The following C1orf87 variants were observed in gnomAD, a reference collection of about 807,000 sequenced individuals.
C1orf87 encodes chromosome 1 open reading frame 87.
Under a neutral mutation model 60.5 loss-of-function variants are expected in C1orf87, and 58 were observed. The ratio of observed to expected loss-of-function variants is 0.96; its 90% CI spans 0.78 to 1.19. The LOEUF is 1.19. Ranked by LOEUF, C1orf87 falls within the 50% of genes most tolerant of loss-of-function variation. The pLI is 0.00. For synonymous variants in C1orf87, 236 were observed against 227.4 expected (o/e 1.04, Z -0.34); for missense variants, 673 against 638.6 (o/e 1.05, Z -0.58).
At chr1:60,031,693 C>G (rs1268694951) in intron 7 of C1orf87, among the ~76,000 whole-genome samples, 1 of 151,940 alleles carries the variant, frequency 6.6e-6, no homozygotes, top group Non-Finnish European at 1.5e-5. Flanking sequence ...TATTTGGGAC[C>G]CAGATTTGCC....
At chr1:60,037,063 T>A (rs747420847) in intron 6 of C1orf87, among the ~76,000 whole-genome samples, 2 of 152,190 alleles carry the variant, frequency 1.3e-5, no homozygotes, top group Non-Finnish European at 2.9e-5. Flanking sequence ...CAAATAACTT[T>A]CTATGTTGGC....
intron 10 of C1orf87, 44 bp downstream of exon 10, chr1:60,001,033 C>A: frequency 1.3e-6 from 2 of 1,502,760 alleles, no homozygotes; most frequent in South Asian, 1.1e-5. Context: ...GGCCAAGTAT[C>A]CATGAAAACC....
intron 2 of C1orf87, among the ~76,000 whole-genome samples, chr1:60,061,234 A>G (rs113410902): frequency 1.2e-3 from 182 of 152,332 alleles, no homozygotes; most frequent in Middle Eastern, 6.8e-3. Context: ...TAAATTTGTT[A>G]TCTCAAAATC....
intron 2 of C1orf87, among the ~76,000 whole-genome samples, chr1:60,058,387 T>C (rs1330364945): frequency 6.6e-6 from 1 of 152,192 alleles, no homozygotes; most frequent in Non-Finnish European, 1.5e-5. Context: ...TATAAAGTAT[T>C]AAATTGGTAT....
intron 8 of C1orf87, 21 bp downstream of exon 8, chr1:60,025,380 T>C: frequency 6.3e-7 from 1 of 1,575,472 alleles, no homozygotes; most frequent in Non-Finnish European, 8.7e-7. Flanking sequence ...AACATTCAGT[T>C]CTTAATAAGA....
chr1:60,031,135 C>A (rs1175249822), intron 7 of C1orf87, among the ~76,000 whole-genome samples: 2 of 152,168 alleles, frequency 1.3e-5, no homozygotes, highest in African/African-American at 4.8e-5. Context: ...CCACAAAAAA[C>A]CCCTTTAACT....
chr1:60,059,929 C>T (rs933775794), intron 2 of C1orf87, among the ~76,000 whole-genome samples: 1 of 152,110 alleles, frequency 6.6e-6, no homozygotes, highest in African/African-American at 2.4e-5. Context: ...GACAACCAGA[C>T]TTTTCTCTTT....
chr1:60,065,029 A>ATATATATATATTATATATATAT (rs1491291377), intron 2 of C1orf87, among the ~76,000 whole-genome samples: 2 of 116,184 alleles, frequency 1.7e-5, no homozygotes, highest in African/African-American at 6.7e-5. Context: ...ATATATATTT[A>ATATATATATATTATATATATAT]ATATATATAT....
At chr1:60,065,748 A>T (rs1645541643) in intron 2 of C1orf87, among the ~76,000 whole-genome samples, 1 of 152,136 alleles carries the variant, frequency 6.6e-6, no homozygotes, top group Non-Finnish European at 1.5e-5. Context: ...TATTAATATA[A>T]ATGGTTTTGG....
intron 8 of C1orf87, among the ~76,000 whole-genome samples, chr1:60,018,264 CA>C: frequency 6.6e-6 from 1 of 152,272 alleles, no homozygotes; most frequent in Admixed American, 6.5e-5. Context: ...AAGCTTTAGC[CA>C]ATGACTGTTT....
In C1orf87 at chr1:59,992,310, C is replaced by G. The variant is rs550190072; in HGVS notation, c.1481-1477G>C. Among the ~76,000 whole-genome samples the G allele has an allele frequency of 1.6e-4, 25 of 151,858 alleles. No individual in the cohort carries two copies. In the East Asian group the frequency reaches 4.8e-3, roughly 29 times the overall value. ...TTACTCTGTTGCCTAGGCTGGAGTA[C>G]AGAGGCACGATCATGGCTCACTGTA... is the stretch of plus-strand genomic sequence containing the variant. On this transcript the variant is annotated intron_variant, in intron 11 of 11. Coordinates refer to ENST00000371201, the MANE Select transcript of C1orf87 (RefSeq NM_152377.3).
rs1236745552 is a variant in C1orf87 at position 60,033,507 on chromosome 1, C to G, written c.998G>C (p.Arg333Pro). Reference protein sequence around the residue: ...NLNLSFRKEDRSFSGCLPLPK... With the variant: ...NLNLSFRKEDPSFSGCLPLPK... The stretch of plus-strand genomic sequence containing the variant: ...TAGAGGGAGGCAGCCAGAGAACGAG[C>G]GATCTTCTTTTCGAAAACTCAGATT... The change falls in exon 7 of 12, where the codon CGC becomes CCC. Residue 333 changes from arginine to proline, a missense_variant. Coordinates refer to ENST00000371201, the MANE Select transcript of C1orf87 (RefSeq NM_152377.3). The G allele has an allele frequency of 6.2e-7, 1 of 1,613,680 alleles. No homozygotes were observed. Among genetic ancestry groups the G allele is most frequent in the Non-Finnish European group, 8.5e-7 (1 of 1,179,872 alleles).
chr1:60,040,416 G>C (rs986943038), intron 4 of C1orf87, among the ~76,000 whole-genome samples: 3 of 152,190 alleles, frequency 2.0e-5, no homozygotes, highest in African/African-American at 7.2e-5. Flanking sequence ...TACATGGTCT[G>C]GTAGAAGATG....
Position 60,064,893 on chromosome 1 carries a change from T to C in C1orf87, c.107+7644A>G, listed in dbSNP as rs1347047337. ...AATATATATTTGTTCTAAATAAATATATATTCTAAATATATAATATTTTAT... is the reference window on the plus strand; with the variant it reads ...AATATATATTTGTTCTAAATAAATACATATTCTAAATATATAATATTTTAT... On this transcript the variant is annotated intron_variant, in intron 2 of 11. Coordinates refer to ENST00000371201, the MANE Select transcript of C1orf87 (RefSeq NM_152377.3). 8.6e-5 allele frequency among the ~76,000 whole-genome samples: 8 copies of C among 92,790 alleles called. No homozygotes were observed. The South Asian group carries it at 1.2e-3, about 14-fold the overall frequency. 60.9% of individuals were successfully genotyped at this position (92,790 alleles called of 152,430 possible).
intron 8 of C1orf87, among the ~76,000 whole-genome samples, chr1:60,024,786 C>T (rs713567): frequency 0.15 from 22,272 of 152,102 alleles, 1,750 homozygotes; most frequent in Non-Finnish European, 0.17. Context: ...GCTTGCCGTT[C>T]GATGTCTGAG....
chr1:60,070,949 C>T (rs1195858278), intron 2 of C1orf87, among the ~76,000 whole-genome samples: 1 of 152,104 alleles, frequency 6.6e-6, no homozygotes, highest in Non-Finnish European at 1.5e-5. Context: ...AAACAAATAA[C>T]CTAAATAAGG....
At chr1:60,037,901 T>C in intron 6 of C1orf87, 91 bp downstream of exon 6, 1 of 720,844 alleles carries the variant, frequency 1.4e-6, no homozygotes, top group East Asian at 2.7e-5. Context: ...ATATTCTTTA[T>C]AAGCCACCCA....
At chr1:60,024,240 G>A (rs373857747) in intron 8 of C1orf87, among the ~76,000 whole-genome samples, 2 of 151,980 alleles carry the variant, frequency 1.3e-5, no homozygotes, top group South Asian at 2.1e-4. Context: ...TGAAATTGGG[G>A]GACTTTGTTC....
intron 9 of C1orf87, among the ~76,000 whole-genome samples, chr1:60,004,532 A>G (rs1338722568): frequency 6.6e-6 from 1 of 152,052 alleles, no homozygotes; most frequent in African/African-American, 2.4e-5. Flanking sequence ...TACCGTCTGC[A>G]CTTCTAAAAC....
Sources: allele counts gnomAD v4.1 joint callset (sites outside exome capture counted in the v4.1 genomes callset), GRCh38; gene constraint gnomAD v4.1.1; transcripts MANE v1.5; gene names NCBI Gene and HGNC (gene_info 2026-07-23, HGNC 2026-07-21).